The following C1GALT1 variants were observed in gnomAD, a reference collection of about 807,000 sequenced individuals.
C1GALT1 encodes core 1 synthase, glycoprotein-N-acetylgalactosamine 3-beta-galactosyltransferase 1.
Under a neutral mutation model 31.0 loss-of-function variants are expected in C1GALT1, and 11 were observed. The ratio of observed to expected loss-of-function variants is 0.36; its 90% CI spans 0.22 to 0.59. C1GALT1 has a LOEUF of 0.59. Among genes scored for constraint, C1GALT1 ranks in the 20% least tolerant of loss-of-function variants. The probability of loss-of-function intolerance (pLI) is 0.79; values close to 1 mark genes in which losing one functional copy is unlikely to be tolerated. For missense variants in C1GALT1, 424 were observed against 425.2 expected (o/e 1.00, Z 0.03); for synonymous variants, 175 against 143.6 (o/e 1.22, Z -1.56).
In C1GALT1 at chr7:7,238,196, T is replaced by TATTAATATTTGGATTTTACATCTATGTAA; in HGVS notation, c.221-56_221-28dup. ...GGACAGTGCTTTCTTCAGTATAATT[T>TATTAATATTTGGATTTTACATCTATGTAA]ATTAATATTTGGATTTTACATCTAT... On this transcript the variant is annotated intron_variant, in intron 2 of 3. Transcript: ENST00000436587. This position sits in a 1 kb window ranked among gnomAD's most constrained non-coding sequence, Gnocchi z 5.2. The TATTAATATTTGGATTTTACATCTATGTAA allele has an allele frequency of 7.1e-7, 1 of 1,401,970 alleles. No homozygotes were observed. The allele number at this position is 1,401,970 out of a possible 1,614,324, so 86.8% of individuals were successfully genotyped here. A position where few individuals can be genotyped will look rare whatever the true frequency, so the allele number is the denominator to read the frequency against.
intron 1 of C1GALT1, among the ~76,000 whole-genome samples, chr7:7,188,585 A>G (rs1267005808): frequency 7.0e-6 from 1 of 142,794 alleles, no homozygotes; most frequent in Admixed American, 6.8e-5. Flanking sequence ...TCAAAAGGTT[A>G]TAAAATAAAA....
At chr7:7,194,586 G>A (rs1209765921) in intron 1 of C1GALT1, among the ~76,000 whole-genome samples, 3 of 152,050 alleles carry the variant, frequency 2.0e-5, no homozygotes, top group Admixed American at 2.0e-4. Context: ...GTATTTTGTT[G>A]AGGATTTTTG....
chr7:7,241,564 CA>C (rs1355337322), intron 3 of C1GALT1, among the ~76,000 whole-genome samples: 3 of 151,978 alleles, frequency 2.0e-5, no homozygotes, highest in African/African-American at 7.2e-5. Flanking sequence ...TTTTGTAAGT[CA>C]CCTTTTAGGT....
chr7:7,165,284 T>C (rs906769235), intron 2 of C1GALT1, among the ~76,000 whole-genome samples: 1 of 152,142 alleles, frequency 6.6e-6, no homozygotes, highest in Admixed American at 6.6e-5. Flanking sequence ...AAAGCCCCTT[T>C]ACTCACTGTG....
intron 1 of C1GALT1, among the ~76,000 whole-genome samples, chr7:7,186,855 G>C (rs1481638479): frequency 6.6e-6 from 1 of 152,220 alleles, no homozygotes; most frequent in African/African-American, 2.4e-5. Context: ...GGGGAGAAGA[G>C]ATCAGAAAGA....
intron 1 of C1GALT1, among the ~76,000 whole-genome samples, chr7:7,232,068 G>T (rs1783098925): frequency 6.6e-6 from 1 of 152,180 alleles, no homozygotes. Context: ...TATTGCCCTT[G>T]CTGTTTTCTC....
At position 7,212,673 on chromosome 7, in the gene C1GALT1, GA is replaced by G. The variant is rs1340120588; in HGVS notation, c.-17-21629del. Reference sequence around the variant, plus strand: ...TTAGCATTGGTTTTTAAAGGTTTGGGATAAGTGGTGGAGTCAGGAGCAATTT... The same window carrying G: ...TTAGCATTGGTTTTTAAAGGTTTGGGTAAGTGGTGGAGTCAGGAGCAATTT... On this transcript the variant is annotated intron_variant, in intron 1 of 3. Coordinates refer to ENST00000436587, the MANE Select transcript of C1GALT1 (RefSeq NM_020156.5). Among the ~76,000 whole-genome samples, 17 of 152,246 alleles carry G rather than the reference GA, an allele frequency of 1.1e-4. No homozygotes were observed. The South Asian group carries it at 3.3e-3, about 30-fold the overall frequency.
At chr7:7,162,658 A>G (rs998810268) in intron 2 of C1GALT1, among the ~76,000 whole-genome samples, 38 of 151,426 alleles carry the variant, frequency 2.5e-4, no homozygotes, top group Non-Finnish European at 3.7e-4. Flanking sequence ...GTCAAATGGT[A>G]TTTCTAGTTC....
chr7:7,214,170 A>C (rs1046363611), intron 1 of C1GALT1, among the ~76,000 whole-genome samples: 2 of 152,344 alleles, frequency 1.3e-5, no homozygotes, highest in Non-Finnish European at 1.5e-5. Context: ...ACAGTAGATA[A>C]CACAATGCAA....
intron 2 of C1GALT1, among the ~76,000 whole-genome samples, chr7:7,161,932 C>G (rs1780337468): frequency 6.6e-6 from 1 of 151,956 alleles, no homozygotes; most frequent in Admixed American, 6.6e-5. Context: ...GAAAGTACTT[C>G]AAAATTCTAC....
In C1GALT1 at chr7:7,191,794, GTC is replaced by G. The variant is rs1282283870; in HGVS notation, c.-18+8976_-18+8977del. 2.6e-5 allele frequency among the ~76,000 whole-genome samples: 4 copies of G among 151,890 alleles called. No individual in the cohort carries two copies. In the East Asian group the frequency reaches 7.7e-4, roughly 29 times the overall value. On this transcript the variant is annotated intron_variant, in intron 1 of 3. Transcript: ENST00000436587. The stretch of plus-strand genomic sequence containing the variant: ...TATCTTAGGAGAAATGTGTATTTGA[GTC>G]TTTTGCACATTGTTGAATCAGGTTG...
intron 1 of C1GALT1, among the ~76,000 whole-genome samples, chr7:7,193,259 T>C (rs1781149818): frequency 6.6e-6 from 1 of 152,174 alleles, no homozygotes; most frequent in African/African-American, 2.4e-5. Flanking sequence ...TCTGATGATA[T>C]CTTCTGGGAC....
chr7:7,196,184 G>T (rs1421138292), intron 1 of C1GALT1, among the ~76,000 whole-genome samples: 1 of 151,836 alleles, frequency 6.6e-6, no homozygotes, highest in Non-Finnish European at 1.5e-5. Flanking sequence ...ATTTACATTA[G>T]GTATATCTCC....
At chr7:7,242,054 G>A (rs2128252891) in intron 3 of C1GALT1, among the ~76,000 whole-genome samples, 1 of 151,998 alleles carries the variant, frequency 6.6e-6, no homozygotes, top group Middle Eastern at 3.4e-3. Flanking sequence ...AAGTATGTGT[G>A]GTTATTGAGC....
intron 1 of C1GALT1, among the ~76,000 whole-genome samples, chr7:7,187,858 G>A (rs1275870580): frequency 1.3e-5 from 2 of 152,162 alleles, no homozygotes; most frequent in African/African-American, 2.4e-5. Context: ...GACGAGGCTG[G>A]AAACCTGGAC....
chr7:7,245,955 T>G lies in C1GALT1; in HGVS notation c.*2228T>G, dbSNP rs1783828160. On this transcript the variant is annotated 3_prime_UTR_variant, in exon 4 of 4. Transcript: ENST00000436587. ...TACCTCACAGGATTTTTATGAGGAT[T>G]AAATAAATGTAAGGTTTTTAGAACA... is the stretch of plus-strand genomic sequence containing the variant. 1 of 152,198 alleles carries G rather than the reference T, an allele frequency of 6.6e-6. No individual in the cohort carries two copies. 9.4% of individuals were successfully genotyped at this position (152,198 alleles called of 1,614,324 possible). A position where few individuals can be genotyped will look rare whatever the true frequency, so the allele number is the denominator to read the frequency against.
chr7:7,221,046 C>G (rs2128242482), intron 1 of C1GALT1, among the ~76,000 whole-genome samples: 1 of 152,186 alleles, frequency 6.6e-6, no homozygotes, highest in East Asian at 1.9e-4. Flanking sequence ...CATGATATGT[C>G]TTTATGGGTC....
chr7:7,232,899 T>G (rs1012790970), intron 1 of C1GALT1, among the ~76,000 whole-genome samples: 1 of 152,246 alleles, frequency 6.6e-6, no homozygotes, highest in African/African-American at 2.4e-5. Flanking sequence ...TTAAAATTTC[T>G]CTTTCCTCAT....
chr7:7,199,586 A>G, intron 1 of C1GALT1, among the ~76,000 whole-genome samples: 1 of 144,604 alleles, frequency 6.9e-6, no homozygotes, highest in South Asian at 2.1e-4. Context: ...CAATTCCTGG[A>G]TATCCTTGTT....
Sources: gnomAD v4.1 joint callset for allele counts (sites outside exome capture counted in the v4.1 genomes callset) on GRCh38, gnomAD v4.1.1 for gene constraint, Gnocchi (gnomAD v3.1) non-coding constraint, MANE v1.5 for transcripts, NCBI Gene and HGNC (gene_info 2026-07-23, HGNC 2026-07-21) for gene names.